The following ROBO1 variants were observed in gnomAD, a reference collection of about 807,000 sequenced individuals.
The protein encoded by ROBO1 is roundabout homolog 1.
Under a neutral mutation model 195.9 loss-of-function variants are expected in ROBO1, and 149 were observed. That is an observed-to-expected ratio of 0.76 (90% confidence interval 0.67 to 0.87). The LOEUF is 0.87. Ranked by LOEUF, ROBO1 falls within the 40% of genes least tolerant of loss-of-function variation. The pLI is 0.00. For synonymous variants in ROBO1, 816 were observed against 733.2 expected, an observed-to-expected ratio of 1.11 and a Z score of -1.82; for missense variants, 1,933 against 2,068.3, an observed-to-expected ratio of 0.93 and a Z score of 1.27.
At chr3:79,458,686 G>A (rs951049101) in intron 2 of ROBO1, among the ~76,000 whole-genome samples, 2 of 151,774 alleles carry the variant, frequency 1.3e-5, no homozygotes, top group African/African-American at 2.4e-5. Flanking sequence ...ATATTAAAAC[G>A]AAACACTATG....
chr3:79,275,327 T>TA (rs2030934492), intron 2 of ROBO1, among the ~76,000 whole-genome samples: 1 of 151,914 alleles, frequency 6.6e-6, no homozygotes, highest in African/African-American at 2.4e-5. Context: ...TGGCTTAACA[T>TA]ATACAATTCA....
At chr3:78,923,597 G>T (rs1332523993) in intron 4 of ROBO1, among the ~76,000 whole-genome samples, 1 of 152,084 alleles carries the variant, frequency 6.6e-6, no homozygotes, top group African/African-American at 2.4e-5. Context: ...AGAAAGAAAT[G>T]ATGTGACTGG....
chr3:78,675,622 C>A (rs1189187074), intron 10 of ROBO1, among the ~76,000 whole-genome samples: 1 of 152,102 alleles, frequency 6.6e-6, no homozygotes, highest in Admixed American at 6.5e-5. Context: ...GGGAGGGGGG[C>A]CTGCCATTGC....
intron 3 of ROBO1, among the ~76,000 whole-genome samples, chr3:78,953,797 C>T (rs1320152402): frequency 1.3e-5 from 2 of 149,224 alleles, no homozygotes; most frequent in African/African-American, 2.6e-5. Flanking sequence ...TTAGTTTCTC[C>T]ATCTGTAAAA....
chr3:78,768,658 T>A (rs534904018), intron 4 of ROBO1, among the ~76,000 whole-genome samples: 104 of 151,888 alleles, frequency 6.8e-4, no homozygotes, highest in Non-Finnish European at 1.2e-3. Flanking sequence ...CTTTTTTTTT[T>A]TTATTATTAT....
At chr3:78,997,423 C>T (rs1356569746) in intron 3 of ROBO1, among the ~76,000 whole-genome samples, 1 of 152,078 alleles carries the variant, frequency 6.6e-6, no homozygotes, top group African/African-American at 2.4e-5. Context: ...CCATTCTAAG[C>T]ATTCGAGAAA....
chr3:78,987,495 C>T (rs1304781593), intron 3 of ROBO1, among the ~76,000 whole-genome samples: 3 of 152,062 alleles, frequency 2.0e-5, no homozygotes, highest in Non-Finnish European at 4.4e-5. Flanking sequence ...GCCATCCTTC[C>T]TTTAGGCAGA....
chr3:79,464,325 T>G (rs551205525), intron 2 of ROBO1, among the ~76,000 whole-genome samples: 1 of 152,226 alleles, frequency 6.6e-6, no homozygotes, highest in Non-Finnish European at 1.5e-5. Context: ...ACTCTATATT[T>G]AATCAAGGAA....
rs1041343017 is a variant in ROBO1 at position 79,018,965 on chromosome 3, G to A, written c.173-80038C>T. On this transcript the variant is annotated intron_variant, in intron 3 of 30. Transcript: ENST00000464233. ...CGGGCCACCCGCGGCGGCGGCGATA[G>A]CAGCCAAAGTAGAAGCAGCAGCTCC... 4 of 989,472 alleles carry A rather than the reference G, an allele frequency of 4.0e-6. No individual in the cohort carries two copies. In the Admixed American group the frequency reaches 2.3e-4, roughly 58 times the overall value. 61.3% of individuals were successfully genotyped at this position (989,472 alleles called of 1,614,324 possible).
At chr3:79,714,276 A>G (rs868445083) in intron 1 of ROBO1, among the ~76,000 whole-genome samples, 4 of 152,222 alleles carry the variant, frequency 2.6e-5, no homozygotes, top group Non-Finnish European at 5.9e-5. Flanking sequence ...CATCAGAGAA[A>G]TGCAAATCAA....
chr3:78,701,874 A>G (rs2081428772), intron 8 of ROBO1, among the ~76,000 whole-genome samples: 2 of 152,148 alleles, frequency 1.3e-5, no homozygotes, highest in Non-Finnish European at 2.9e-5. Context: ...TTACTCAGCT[A>G]TATTTTGTCT....
At chr3:79,584,622 T>TGTGTAC (rs201997111) in intron 2 of ROBO1, among the ~76,000 whole-genome samples, 2,749 of 138,982 alleles carry the variant, frequency 0.02, 83 homozygotes, top group Middle Eastern at 0.072. Flanking sequence ...TGTGTGTGTG[T>TGTGTAC]GTGTGTGTGT....
chr3:79,756,499 G>A (rs1056981916), intron 1 of ROBO1, among the ~76,000 whole-genome samples: 23 of 147,710 alleles, frequency 1.6e-4, no homozygotes, highest in African/African-American at 4.9e-4. Context: ...GCAGTGAGCC[G>A]AGATGGTGCC....
intron 4 of ROBO1, among the ~76,000 whole-genome samples, chr3:78,778,527 C>T (rs985510139): frequency 1.3e-5 from 2 of 152,064 alleles, no homozygotes; most frequent in Non-Finnish European, 2.9e-5. Flanking sequence ...ACAATTGCTA[C>T]AAAGAGAATA....
chr3:79,376,904 T>G (rs1441698181), intron 2 of ROBO1, among the ~76,000 whole-genome samples: 1 of 152,176 alleles, frequency 6.6e-6, no homozygotes, highest in East Asian at 1.9e-4. Context: ...AATAACAAGA[T>G]GTAAGGTTTC....
intron 2 of ROBO1, among the ~76,000 whole-genome samples, chr3:79,532,738 A>C (rs1477795876): frequency 6.6e-6 from 1 of 152,224 alleles, no homozygotes; most frequent in African/African-American, 2.4e-5. Flanking sequence ...TGGAGGTTTT[A>C]AACAATCTAG....
chr3:78,685,772 G>A lies in ROBO1; in HGVS notation c.1316C>T (p.Thr439Ile). Residue 439 changes from threonine (T) to isoleucine (I), a missense_variant, in exon 10 of 31, where the codon ACA becomes ATA. By Grantham distance (89) the Thr-to-Ile change is moderately conservative. This residue lies in a region of ROBO1 where 1,737 missense variants were observed against 1,882.5 expected (regional missense o/e 0.92). Transcript: ENST00000464233. ...ATCTGTAACTTCCAAATATGCCTTT[G>A]TGATGATGCTTCCAGCAACATTTAA... Reference protein sequence around the residue: ...QTLNVAGSIITKAYLEVTDVI... With the variant: ...QTLNVAGSIIIKAYLEVTDVI... 1 of 1,610,122 alleles carries A rather than the reference G, an allele frequency of 6.2e-7. No individual in the cohort carries two copies. Among genetic ancestry groups the A allele is most frequent in the Non-Finnish European group, 8.5e-7 (1 of 1,177,320 alleles).
At chr3:78,718,844 G>GAGGA (rs2081970339) in intron 5 of ROBO1, among the ~76,000 whole-genome samples, 1 of 105,056 alleles carries the variant, frequency 9.5e-6, no homozygotes, top group Non-Finnish European at 1.9e-5. Flanking sequence ...GAGAGGGAGG[G>GAGGA]AGGGAGAGAG....
intron 2 of ROBO1, among the ~76,000 whole-genome samples, chr3:79,285,879 A>C (rs1249852371): frequency 1.3e-5 from 2 of 152,212 alleles, no homozygotes; most frequent in East Asian, 3.8e-4. Context: ...TTTAAAATAC[A>C]GCTGCATGAA....
Sources: gnomAD v4.1 joint callset for allele counts (sites outside exome capture counted in the v4.1 genomes callset) on GRCh38, gnomAD v4.1.1 for gene constraint, gnomAD v4.1.1 regional missense constraint, MANE v1.5 for transcripts, NCBI Gene and HGNC (gene_info 2026-07-23, HGNC 2026-07-21) for gene names.